Variants in SLC2A9 observed in about 807,000 individuals in gnomAD.
SLC2A9 encodes the protein solute carrier family 2, facilitated glucose transporter member 9.
A neutral mutation model predicts 50.6 loss-of-function variants in SLC2A9; 39 were observed. That is an observed-to-expected ratio of 0.77 (90% confidence interval 0.60 to 1.01). SLC2A9 has a LOEUF of 1.01. Among genes scored for constraint, SLC2A9 ranks in the 50% least tolerant of loss-of-function variants. The pLI, the probability that SLC2A9 is intolerant of heterozygous loss-of-function variation, is 0.00. For synonymous variants in SLC2A9, 324 were observed against 276.9 expected, an observed-to-expected ratio of 1.17 and a Z score of -1.69; for missense variants, 686 against 677.6, an observed-to-expected ratio of 1.01 and a Z score of -0.14.
chr4:9,907,865 C>T (rs1417827822), intron 8 of SLC2A9, among the ~76,000 whole-genome samples: 3 of 152,138 alleles, frequency 2.0e-5, no homozygotes, highest in Non-Finnish European at 4.4e-5. Flanking sequence ...GCATGATGAC[C>T]TCCTAAAATC....
rs143194815 is a variant in SLC2A9, at chr4:10,021,008, C to T, written c.150+272G>A. Among the ~76,000 whole-genome samples the T allele has an allele frequency of 1.2e-3, 183 of 152,338 alleles. 2 individuals are homozygous for T. The highest frequency in any genetic ancestry group is 3.4e-3 in the Middle Eastern group (1 of 294). ...GAAGAGGGACACCACCATGCAAGTG[C>T]GGGGCAGGGCAGCCTGCCACCATAG... On this transcript the variant is annotated intron_variant, in intron 1 of 11. Transcript: ENST00000264784.
At chr4:9,780,414 C>T (rs1718175930) in intron 3 of SLC2A9, among the ~76,000 whole-genome samples, 1 of 152,000 alleles carries the variant, frequency 6.6e-6, no homozygotes, top group South Asian at 2.1e-4. Flanking sequence ...GTCTTGCCCT[C>T]TCCAGCGGCA....
intron 5 of SLC2A9, among the ~76,000 whole-genome samples, chr4:9,943,814 C>T (rs1443838198): frequency 6.6e-6 from 1 of 152,100 alleles, no homozygotes; most frequent in African/African-American, 2.4e-5. Flanking sequence ...TCTGAGAAAA[C>T]ACGAGGGAAC....
chr4:9,928,405 G>A (rs1016675964), intron 6 of SLC2A9, among the ~76,000 whole-genome samples: 8 of 152,234 alleles, frequency 5.3e-5, no homozygotes, highest in African/African-American at 1.9e-4. Flanking sequence ...TGGTTTGGTA[G>A]ACAAAGTTAT....
intron 3 of SLC2A9, among the ~76,000 whole-genome samples, chr4:9,987,862 A>AG (rs745475023): frequency 9.9e-5 from 15 of 152,186 alleles, no homozygotes; most frequent in Non-Finnish European, 2.1e-4. Flanking sequence ...AGAAAGAAAC[A>AG]TCAGTGAGGC....
intron 10 of SLC2A9, chr4:9,879,416 C>CA (rs1734839036): frequency 1.0e-6 from 1 of 984,422 alleles, no homozygotes; most frequent in Non-Finnish European, 1.2e-6. Context: ...GCGTGTGGGG[C>CA]AGGGGGCAGC....
At chr4:9,783,596 T>G in intron 3 of SLC2A9, 1 of 859,290 alleles carries the variant, frequency 1.2e-6, no homozygotes, top group Non-Finnish European at 1.8e-6. Context: ...CTCGTGTGCT[T>G]AGAAACCTCA....
At chr4:9,908,844 G>C (rs4639072) in intron 7 of SLC2A9, among the ~76,000 whole-genome samples, 32,403 of 152,038 alleles carry the variant, frequency 0.21, 4,078 homozygotes, top group African/African-American at 0.35. Flanking sequence ...GGGGCTTCCA[G>C]GAAGTTTCCT....
chr4:9,984,331 C>T (rs562944928), intron 4 of SLC2A9, among the ~76,000 whole-genome samples: 1 of 152,304 alleles, frequency 6.6e-6, no homozygotes, highest in Admixed American at 6.5e-5. Context: ...CTGGTACCCT[C>T]AGCTTTTAAG....
In SLC2A9 at chr4:9,773,308, G is replaced by A. The variant is rs180897048; in HGVS notation, n.182-1939C>T. On this transcript the variant is annotated intron_variant and non_coding_transcript_variant, in intron 1 of 1. Coordinates refer to the SLC2A9 transcript ENST00000508585. ...GCCCTGTGCCAAGCTGAGCACATTG[G>A]CAGGGCTGGTGGCTGGGAGCTCAGC... Among the ~76,000 whole-genome samples, 515 of 152,258 alleles carry A rather than the reference G, an allele frequency of 3.4e-3. 2 individuals carry two copies. Among genetic ancestry groups the A allele is most frequent in the African/African-American group, 0.012 (494 of 41,542 alleles).
At chr4:10,023,704 T>C (rs938500719), upstream of SLC2A9, among the ~76,000 whole-genome samples, 7 of 152,226 alleles carry the variant, frequency 4.6e-5, no homozygotes, top group African/African-American at 7.2e-5. Context: ...TCCTACTACA[T>C]GTGCACAGCT....
chr4:9,816,342 C>T (rs1723589635), intron 3 of SLC2A9, among the ~76,000 whole-genome samples: 1 of 152,008 alleles, frequency 6.6e-6, no homozygotes, highest in African/African-American at 2.4e-5. Context: ...AAACTTATGG[C>T]TCGACAGAGA....
chr4:9,933,425 G>C (rs559817466), intron 6 of SLC2A9, among the ~76,000 whole-genome samples: 2 of 152,204 alleles, frequency 1.3e-5, no homozygotes, highest in East Asian at 3.9e-4. Flanking sequence ...AACTCCTTTT[G>C]CTCTCCCAGC....
intron 10 of SLC2A9, among the ~76,000 whole-genome samples, chr4:9,885,139 A>G (rs1203060479): frequency 1.3e-5 from 2 of 152,198 alleles, no homozygotes; most frequent in Non-Finnish European, 2.9e-5. Context: ...CCTATGTAAC[A>G]AACCTGCGAG....
At chr4:9,822,993 T>C (rs1724613821), downstream of SLC2A9, among the ~76,000 whole-genome samples, 1 of 152,154 alleles carries the variant, frequency 6.6e-6, no homozygotes, top group African/African-American at 2.4e-5. Flanking sequence ...CTTTGGGTTT[T>C]GGTTTCTCTC....
In SLC2A9 at chr4:10,028,787, A is replaced by G. The variant is rs115588006; in HGVS notation, c.-40-2781T>C. Among the ~76,000 whole-genome samples the G allele has an allele frequency of 9.9e-3, 1,510 of 152,254 alleles. 16 individuals are homozygous for G. Among genetic ancestry groups the G allele is most frequent in the Non-Finnish European group, 0.017 (1,176 of 68,014 alleles). ...CCTCTGCCTCCTTCCTGTCCTAGGG[A>G]ACCTGCTGGATGGGCTCAGAGAAGC... is the stretch of plus-strand genomic sequence containing the variant. On this transcript the variant is annotated intron_variant, in intron 1 of 12. Coordinates refer to the SLC2A9 transcript ENST00000309065.
At chr4:9,883,147 A>ACT (rs918716951) in intron 10 of SLC2A9, among the ~76,000 whole-genome samples, 4 of 151,996 alleles carry the variant, frequency 2.6e-5, no homozygotes, top group Admixed American at 6.6e-5. Context: ...ACACACACAC[A>ACT]CACACACACA....
At chr4:9,869,996 TG>T (rs1259710121) in intron 10 of SLC2A9, among the ~76,000 whole-genome samples, 8 of 152,178 alleles carry the variant, frequency 5.3e-5, no homozygotes, top group Non-Finnish European at 1.2e-4. Flanking sequence ...GTGTGGAAGA[TG>T]GAGTTTTGGG....
intron 2 of SLC2A9, among the ~76,000 whole-genome samples, chr4:9,999,356 A>C (rs976405703): frequency 4.6e-5 from 7 of 151,926 alleles, no homozygotes; most frequent in Non-Finnish European, 1.0e-4. Flanking sequence ...TTGTGACATG[A>C]GTGTTAGATT....
Sources: allele counts gnomAD v4.1 joint callset (sites outside exome capture counted in the v4.1 genomes callset), GRCh38; gene constraint gnomAD v4.1.1; transcripts MANE v1.5; gene names NCBI Gene and HGNC (gene_info 2026-07-23, HGNC 2026-07-21).